RFTN2: variants seen among roughly 807,000 people sequenced by gnomAD.
The protein encoded by RFTN2 is raftlin family member 2.
In RFTN2, 34 loss-of-function variants were observed where a neutral mutation model predicts 52.7. The ratio of observed to expected loss-of-function variants is 0.64; its 90% CI spans 0.49 to 0.86. RFTN2 has a LOEUF of 0.86. RFTN2 is among the 40% of genes least tolerant of loss of function. The pLI is 0.00. For missense variants in RFTN2, 536 were observed against 600.1 expected, an observed-to-expected ratio of 0.89 and a Z score of 1.12; for synonymous variants, 203 against 217.7, an observed-to-expected ratio of 0.93 and a Z score of 0.59.
intron 7 of RFTN2, among the ~76,000 whole-genome samples, chr2:197,608,869 G>T (rs1443729910): frequency 6.6e-6 from 1 of 151,724 alleles, no homozygotes; most frequent in East Asian, 1.9e-4. Context: ...ACTTATTAGT[G>T]AGAACATGCG....
At chr2:197,611,344 G>A (rs1314680526) in intron 7 of RFTN2, among the ~76,000 whole-genome samples, 3 of 152,050 alleles carry the variant, frequency 2.0e-5, no homozygotes, top group Admixed American at 6.6e-5. Context: ...GTCTTGGGAG[G>A]GTGTATGTGT....
rs540400090 is a variant in RFTN2 at position 197,587,448 on chromosome 2, C to T, written c.1233+8543G>A. ...ACAAAAGAAGTGAAAATGGCCATTT[C>T]CTGCCTTAACTGAAGACATTACCTT... On this transcript the variant is annotated intron_variant, in intron 8 of 8. Transcript: ENST00000295049. Among the ~76,000 whole-genome samples the T allele has an allele frequency of 1.1e-3, 171 of 152,234 alleles. 1 individual carries two copies. Among genetic ancestry groups the T allele is most frequent in the Middle Eastern group, 3.4e-3 (1 of 294 alleles).
chr2:197,606,721 A>G (rs1291053166), intron 7 of RFTN2, among the ~76,000 whole-genome samples: 1 of 151,760 alleles, frequency 6.6e-6, no homozygotes, highest in Non-Finnish European at 1.5e-5. Context: ...CAAAAAACAC[A>G]TGAAAAAATG....
At chr2:197,584,972 T>C (rs2087572301) in intron 8 of RFTN2, among the ~76,000 whole-genome samples, 1 of 152,194 alleles carries the variant, frequency 6.6e-6, no homozygotes, top group South Asian at 2.1e-4. Flanking sequence ...ACAACCTTGA[T>C]GGACTGGACC....
chr2:197,593,554 G>T (rs1172952972), intron 8 of RFTN2, among the ~76,000 whole-genome samples: 2 of 146,088 alleles, frequency 1.4e-5, no homozygotes, highest in African/African-American at 2.5e-5. Flanking sequence ...GAATTCTGAT[G>T]ATTTTTTCCT....
chr2:197,630,755 A>G (rs546844671), intron 5 of RFTN2, among the ~76,000 whole-genome samples: 2 of 152,342 alleles, frequency 1.3e-5, no homozygotes, highest in South Asian at 2.1e-4. Flanking sequence ...TCAATCACAC[A>G]GTGGTTTCCC....
chr2:197,642,925 G>A (rs2045242), intron 3 of RFTN2, among the ~76,000 whole-genome samples: 106,168 of 151,986 alleles, frequency 0.7, 37,616 homozygotes, highest in Middle Eastern at 0.85. Flanking sequence ...ACTGCAGCGA[G>A]CTATGATTGT....
At chr2:197,646,136 G>T (rs1206471796) in intron 2 of RFTN2, among the ~76,000 whole-genome samples, 1 of 152,198 alleles carries the variant, frequency 6.6e-6, no homozygotes, top group Admixed American at 6.5e-5. Flanking sequence ...GGTCTGGTCA[G>T]CTCTTTAGCC....
chr2:197,651,931 A>G (rs1206044867), intron 1 of RFTN2, among the ~76,000 whole-genome samples: 1 of 152,232 alleles, frequency 6.6e-6, no homozygotes, highest in Non-Finnish European at 1.5e-5. Flanking sequence ...GCTTATTTAA[A>G]AAATAATATT....
chr2:197,671,617 T>C (rs2089148763), intron 1 of RFTN2, among the ~76,000 whole-genome samples: 1 of 152,236 alleles, frequency 6.6e-6, no homozygotes, highest in Non-Finnish European at 1.5e-5. Flanking sequence ...TGTCTTATTC[T>C]TTTTTATATT....
chr2:197,582,247 T>C (rs965304048), intron 8 of RFTN2, among the ~76,000 whole-genome samples: 2 of 152,194 alleles, frequency 1.3e-5, no homozygotes, highest in African/African-American at 4.8e-5. Flanking sequence ...ATCTGACACA[T>C]ATACTTTCTG....
chr2:197,646,365 C>T, intron 2 of RFTN2, 118 bp downstream of exon 2: 1 of 735,384 alleles, frequency 1.4e-6, no homozygotes, highest in Non-Finnish European at 2.2e-6. Context: ...GGAAAATGTG[C>T]TTTAAACTAA....
At chr2:197,615,116 C>T (rs1014839164) in intron 7 of RFTN2, among the ~76,000 whole-genome samples, 3 of 152,168 alleles carry the variant, frequency 2.0e-5, no homozygotes, top group Non-Finnish European at 4.4e-5. Context: ...AGTTGCTAAA[C>T]CGGGAAGGCC....
At chr2:197,674,425 T>C (rs1185628637) in intron 1 of RFTN2, among the ~76,000 whole-genome samples, 1 of 149,780 alleles carries the variant, frequency 6.7e-6, no homozygotes, top group East Asian at 1.9e-4. Flanking sequence ...AACATGATAA[T>C]TTAGTATAAA....
At chr2:197,633,662 A>G in intron 4 of RFTN2, 56 bp downstream of exon 4, 2 of 1,458,348 alleles carry the variant, frequency 1.4e-6, no homozygotes, top group South Asian at 1.3e-5. Context: ...AAAACCTCAA[A>G]AACTTATTTT....
chr2:197,648,092 T>A (rs988634730), intron 1 of RFTN2, among the ~76,000 whole-genome samples: 1 of 152,072 alleles, frequency 6.6e-6, no homozygotes, highest in African/African-American at 2.4e-5. Flanking sequence ...GTCAGTGTGG[T>A]GAGTGGTGTC....
intron 3 of RFTN2, 50 bp from the exon 4 acceptor site, chr2:197,634,047 T>C: frequency 1.4e-6 from 2 of 1,475,332 alleles, no homozygotes; most frequent in Non-Finnish European, 1.8e-6. Context: ...CTATTTTCAT[T>C]GATTACTTTA....
intron 5 of RFTN2, among the ~76,000 whole-genome samples, chr2:197,619,434 T>C (rs2088219043): frequency 6.6e-6 from 1 of 152,228 alleles, no homozygotes; most frequent in South Asian, 2.1e-4. Flanking sequence ...TGTTGATTGG[T>C]GACCTTACCC....
In RFTN2 at chr2:197,571,868, G is replaced by A. The variant is rs1176616844; in HGVS notation, c.*140C>T. The A allele has an allele frequency of 6.3e-6, 5 of 788,570 alleles. No individual in the cohort carries two copies. The highest frequency in any genetic ancestry group is 5.6e-5 in the South Asian group (3 of 53,824). The allele number at this position is 788,570 out of a possible 1,614,324, so 48.8% of individuals were successfully genotyped here. On this transcript the variant is annotated 3_prime_UTR_variant, in exon 9 of 9. Transcript: ENST00000295049. Reference sequence around the variant, plus strand: ...TCCTTGTCTGGGAGGTTGTGCCAAAGTTTACATAGATTAGAGGAAAGGCTG... The same window carrying A: ...TCCTTGTCTGGGAGGTTGTGCCAAAATTTACATAGATTAGAGGAAAGGCTG...
Sources: allele counts gnomAD v4.1 joint callset (sites outside exome capture counted in the v4.1 genomes callset), GRCh38; gene constraint gnomAD v4.1.1; transcripts MANE v1.5; gene names NCBI Gene and HGNC (gene_info 2026-07-23, HGNC 2026-07-21).